Variants in KATNA1 observed in about 807,000 individuals in gnomAD.
The protein encoded by KATNA1 is katanin catalytic subunit A1.
In KATNA1, 42 loss-of-function variants were observed where a neutral mutation model predicts 62.6. The ratio of observed to expected loss-of-function variants is 0.67; its 90% confidence interval spans 0.52 to 0.87. The LOEUF (loss-of-function observed/expected upper bound fraction) is 0.87. Ranked by LOEUF, KATNA1 falls within the 40% of genes least tolerant of loss-of-function variation. The probability of loss-of-function intolerance (pLI) is 0.00; values close to 1 mark genes in which losing one functional copy is unlikely to be tolerated. For missense variants in KATNA1, 498 were observed against 612.5 expected, an observed-to-expected ratio of 0.81 and a Z score of 1.97; for synonymous variants, 186 against 201.9, an observed-to-expected ratio of 0.92 and a Z score of 0.67.
At chr6:149,601,945 T>C (rs1384849727) in intron 6 of KATNA1, 193 bp from the exon 7 acceptor site, 3 of 441,298 alleles carry the variant, frequency 6.8e-6, no homozygotes, top group African/African-American at 6.1e-5. Flanking sequence ...AACCACATTA[T>C]GAAAAATTTG....
intron 4 of KATNA1, among the ~76,000 whole-genome samples, chr6:149,611,370 G>A (rs1778945905): frequency 6.8e-6 from 1 of 147,716 alleles, no homozygotes; most frequent in South Asian, 2.1e-4. Flanking sequence ...GCTGAGGCAG[G>A]AGAATCACTT....
chr6:149,641,412 A>T (rs536219307), intron 1 of KATNA1, among the ~76,000 whole-genome samples: 1 of 138,630 alleles, frequency 7.2e-6, no homozygotes, highest in East Asian at 2.3e-4. Flanking sequence ...TCCTGACCTC[A>T]GGATCTACCC....
At chr6:149,602,394 A>G (rs1778580433) in intron 6 of KATNA1, among the ~76,000 whole-genome samples, 1 of 152,160 alleles carries the variant, frequency 6.6e-6, no homozygotes, top group Admixed American at 6.6e-5. Context: ...ATATATATAT[A>G]TAATTTATTC....
chr6:149,599,935 C>T (rs964388181), intron 7 of KATNA1, among the ~76,000 whole-genome samples: 12 of 152,102 alleles, frequency 7.9e-5, no homozygotes, highest in South Asian at 2.1e-4. Context: ...CAAGGAGTTT[C>T]GGCATAGGTA....
rs375557289 is a variant in KATNA1 at position 149,597,114 on chromosome 6, A to G, written c.1226T>C (p.Ile409Thr). The change falls in exon 10 of 11, where the codon ATA becomes ACA. Residue 409 changes from isoleucine to threonine, a missense_variant. Around this residue, in one of 3 missense-constraint regions of KATNA1, gnomAD observed 267 missense variants for 372.6 expected, o/e 0.72. Transcript: ENST00000367411. ...ELADDVDLAS[I>T]AENMEGYSGA... ...TGAATAACCTTCCATGTTTTCTGCTATACTTGCAAGGTCAACATCATCAGC... is the reference window on the plus strand; with the variant it reads ...TGAATAACCTTCCATGTTTTCTGCTGTACTTGCAAGGTCAACATCATCAGC... The G allele has an allele frequency of 1.2e-5, 20 of 1,614,138 alleles. No homozygotes were observed. Among genetic ancestry groups the G allele is most frequent in the African/African-American group, 5.3e-5 (4 of 75,068 alleles).
At chr6:149,601,045 T>G (rs1778525337) in intron 7 of KATNA1, among the ~76,000 whole-genome samples, 1 of 152,198 alleles carries the variant, frequency 6.6e-6, no homozygotes, top group Non-Finnish European at 1.5e-5. Context: ...CAGTGAAGCT[T>G]AACAAAGTCT....
intron 4 of KATNA1, among the ~76,000 whole-genome samples, chr6:149,618,948 A>G (rs972565303): frequency 6.6e-5 from 10 of 152,250 alleles, no homozygotes; most frequent in African/African-American, 2.4e-4. Context: ...CCTCAAAAGC[A>G]CAGGCAACAA....
At chr6:149,597,245 AT>A in intron 9 of KATNA1, 56 bp from the exon 10 acceptor site, 2 of 1,544,352 alleles carry the variant, frequency 1.3e-6, no homozygotes, top group South Asian at 1.2e-5. Flanking sequence ...ATAGTATACT[AT>A]TGTCTCAAAT....
intron 3 of KATNA1, among the ~76,000 whole-genome samples, chr6:149,630,827 A>C (rs1300721126): frequency 6.6e-6 from 1 of 152,036 alleles, no homozygotes; most frequent in Non-Finnish European, 1.5e-5. Context: ...CCCTAAATCC[A>C]CGTTTTTAAT....
At chr6:149,626,388 G>A (rs1779612207) in intron 3 of KATNA1, among the ~76,000 whole-genome samples, 1 of 135,528 alleles carries the variant, frequency 7.4e-6, no homozygotes, top group Non-Finnish European at 1.5e-5. Context: ...TCCGCCTTCC[G>A]GGTTCACGCC....
chr6:149,612,246 C>T (rs547288891), intron 4 of KATNA1, among the ~76,000 whole-genome samples: 1 of 151,388 alleles, frequency 6.6e-6, no homozygotes, highest in South Asian at 2.1e-4. Context: ...GGTGGCTCAC[C>T]CCTATAATCC....
chr6:149,630,866 G>A lies in KATNA1; in HGVS notation c.320+1893C>T, dbSNP rs931323030. On this transcript the variant is annotated intron_variant, in intron 3 of 10. Coordinates refer to ENST00000367411, the MANE Select transcript of KATNA1 (RefSeq NM_007044.4). Reference sequence around the variant, plus strand: ...AGATTGTTAGGACTGCTACAGCAGAGAGTGCCAGCTTTGTAATCATTATTA... The same window carrying A: ...AGATTGTTAGGACTGCTACAGCAGAAAGTGCCAGCTTTGTAATCATTATTA... Among the ~76,000 whole-genome samples, 3 of 152,244 alleles carry A rather than the reference G, an allele frequency of 2.0e-5. 1 individual carries two copies. The highest frequency in any genetic ancestry group is 1.5e-5 in the Non-Finnish European group (1 of 68,028).
At chr6:149,615,835 AC>A (rs915018106) in intron 4 of KATNA1, among the ~76,000 whole-genome samples, 6 of 152,204 alleles carry the variant, frequency 3.9e-5, no homozygotes, top group African/African-American at 1.2e-4. Context: ...AAATAAAAAA[AC>A]ATGAACCAAT....
At position 149,638,514 on chromosome 6, in the gene KATNA1, A is replaced by G; in HGVS notation, c.34T>C (p.Leu12=). 6.2e-7 allele frequency: 1 copy of G among 1,613,756 alleles called. No homozygotes were observed. The highest frequency in any genetic ancestry group is 8.5e-7 in the Non-Finnish European group (1 of 1,179,832). ...CCCAGCAATGCATATTCACGAGCCA[A>G]TTTTACATTCTCACTAATCATAAGA... The part of the protein sequence containing the change: ...SLLMISENVK[L]AREYALLGNY... The change falls in exon 2 of 11, where the codon TTG becomes CTG. Residue 12 remains leucine, a synonymous_variant. Coordinates refer to ENST00000367411, the MANE Select transcript of KATNA1 (RefSeq NM_007044.4).
rs1007544839 is a variant in KATNA1, at chr6:149,597,052, A to G, written c.1277+11T>C. 4 of 1,609,540 alleles carry G rather than the reference A, an allele frequency of 2.5e-6. No homozygotes were observed. Among genetic ancestry groups the G allele is most frequent in the East Asian group, 2.2e-5 (1 of 44,866 alleles). On this transcript the variant is annotated intron_variant, in intron 10 of 10. Coordinates refer to ENST00000367411, the MANE Select transcript of KATNA1 (RefSeq NM_007044.4). ...GCTTACAAAAACCTATGCTTCCATG[A>G]TAATTCATACCTGCACACGTTGGTA... is the stretch of plus-strand genomic sequence containing the variant.
At chr6:149,605,466 T>G (rs956031381) in intron 4 of KATNA1, among the ~76,000 whole-genome samples, 1 of 152,178 alleles carries the variant, frequency 6.6e-6, no homozygotes, top group African/African-American at 2.4e-5. Context: ...TACTTGTCCC[T>G]CATCAATGCT....
chr6:149,623,370 A>G (rs1779484009), intron 3 of KATNA1, 87 bp from the exon 4 acceptor site: 1 of 911,252 alleles, frequency 1.1e-6, no homozygotes, highest in Non-Finnish European at 1.6e-6. Context: ...TCTATGAACT[A>G]AAGAAGCCAA....
At chr6:149,618,268 A>C (rs1779257600) in intron 4 of KATNA1, among the ~76,000 whole-genome samples, 1 of 151,834 alleles carries the variant, frequency 6.6e-6, no homozygotes, top group Admixed American at 6.6e-5. Flanking sequence ...ACCTGAGGTC[A>C]GGAGTTCAAG....
At chr6:149,647,505 G>T (rs1211402276) in intron 1 of KATNA1, among the ~76,000 whole-genome samples, 1 of 108,986 alleles carries the variant, frequency 9.2e-6, no homozygotes, top group Non-Finnish European at 1.7e-5. Flanking sequence ...CCTGGCGACA[G>T]AGCAAGACTC....
Sources: gnomAD v4.1 joint callset for allele counts (sites outside exome capture counted in the v4.1 genomes callset) on GRCh38, gnomAD v4.1.1 for gene constraint, gnomAD v4.1.1 regional missense constraint, MANE v1.5 for transcripts, NCBI Gene and HGNC (gene_info 2026-07-23, HGNC 2026-07-21) for gene names.